WDR75: variants seen among roughly 807,000 people sequenced by gnomAD.
WDR75 encodes WD repeat-containing protein 75.
WDR75 carries 52 observed loss-of-function variants against 106.1 expected under a neutral mutation model. That is an observed-to-expected ratio of 0.49 (90% confidence interval 0.39 to 0.62). The LOEUF (loss-of-function observed/expected upper bound fraction) is 0.62. Ranked by LOEUF, WDR75 falls within the 20% of genes least tolerant of loss-of-function variation. WDR75 has a pLI of 0.00. For synonymous variants in WDR75, 333 were observed against 335.5 expected, an observed-to-expected ratio of 0.99 and a Z score of 0.08; for missense variants, 905 against 970.3, an observed-to-expected ratio of 0.93 and a Z score of 0.89.
At chr2:189,452,554 CAAA>C (rs926726769) in intron 4 of WDR75, among the ~76,000 whole-genome samples, 1 of 87,626 alleles carries the variant, frequency 1.1e-5, no homozygotes, top group Non-Finnish European at 2.5e-5. Flanking sequence ...ACTCTGTCTC[CAAA>C]AAAAAAAAAA....
chr2:189,455,980 T>C (rs957427207), intron 5 of WDR75, among the ~76,000 whole-genome samples: 1 of 152,254 alleles, frequency 6.6e-6, no homozygotes, highest in African/African-American at 2.4e-5. Context: ...CTGTGATTTC[T>C]TCAGCCATTC....
At position 189,457,382 on chromosome 2, in the gene WDR75, G is replaced by A. The variant is rs904311341; in HGVS notation, c.569+1G>A. 8.3e-6 allele frequency: 13 copies of A among 1,572,446 alleles called. No individual in the cohort carries two copies. The highest frequency in any genetic ancestry group is 1.1e-5 in the Non-Finnish European group (13 of 1,146,824). ...TTTTCAAAAAGAAAACAACATCAAG[G>A]TAAGAATTATTTTTTATTAGCTTTA... On this transcript the variant is annotated splice_donor_variant, in intron 6 of 20. Coordinates refer to ENST00000314761, the MANE Select transcript of WDR75 (RefSeq NM_032168.3). LOFTEE classifies it high-confidence loss of function.
intron 2 of WDR75, chr2:189,448,815 A>G (rs1458918307): frequency 2.0e-6 from 1 of 497,918 alleles, no homozygotes; most frequent in Non-Finnish European, 4.1e-6. Flanking sequence ...CCTTACATGC[A>G]TTGCGAATAT....
intron 7 of WDR75, among the ~76,000 whole-genome samples, chr2:189,459,121 C>CAATAG (rs1196351314): frequency 1.3e-5 from 2 of 152,104 alleles, no homozygotes; most frequent in Non-Finnish European, 2.9e-5. Context: ...GAAAGACTGA[C>CAATAG]AATAGTGAAT....
intron 17 of WDR75, 81 bp downstream of exon 17, chr2:189,470,326 G>A: frequency 3.4e-6 from 5 of 1,454,848 alleles, no homozygotes; most frequent in Non-Finnish European, 4.7e-6. Flanking sequence ...GTGTGAGTTT[G>A]TTTCTAGGTG....
intron 16 of WDR75, 127 bp from the exon 17 acceptor site, chr2:189,469,948 TA>T: frequency 2.5e-6 from 2 of 815,126 alleles, no homozygotes; most frequent in Non-Finnish European, 3.9e-6. Context: ...AATCAAAGCC[TA>T]AAACAGTCAT....
At position 189,464,718 on chromosome 2, in the gene WDR75, TGAC is replaced by T. The variant is rs936707086; in HGVS notation, c.1114-360_1114-358del. On this transcript the variant is annotated intron_variant, in intron 11 of 20. Transcript: ENST00000314761. ...TTATTTCTGTTCTGCTTGTTTCTGT[TGAC>T]AGAGAATCTAGCCTTGAGATGATGT... 3.8e-3 allele frequency among the ~76,000 whole-genome samples: 581 copies of T among 152,160 alleles called. 6 individuals are homozygous for T. The highest frequency in any genetic ancestry group is 0.013 in the African/African-American group (542 of 41,532).
intron 2 of WDR75, 139 bp from the exon 3 acceptor site, chr2:189,450,764 A>G (rs1686601471): frequency 1.4e-6 from 2 of 1,451,314 alleles, no homozygotes; most frequent in Non-Finnish European, 1.8e-6. Context: ...GAAGCAATAT[A>G]AATAAATGAC....
At chr2:189,474,128 T>TCAAA in intron 18 of WDR75, 58 bp from the exon 19 acceptor site, 1 of 1,548,096 alleles carries the variant, frequency 6.5e-7, no homozygotes, top group Non-Finnish European at 8.8e-7. Flanking sequence ...TACTGTTAAG[T>TCAAA]CAAACACAGT....
At chr2:189,457,552 A>G (rs1010227235) in intron 6 of WDR75, among the ~76,000 whole-genome samples, 171 bp downstream of exon 6, 4 of 152,208 alleles carry the variant, frequency 2.6e-5, no homozygotes, top group African/African-American at 9.7e-5. Flanking sequence ...GTTTTTAAGC[A>G]TACTATTAGT....
At chr2:189,450,795 A>T in intron 2 of WDR75, 108 bp from the exon 3 acceptor site, 1 of 1,529,234 alleles carries the variant, frequency 6.5e-7, no homozygotes, top group Non-Finnish European at 8.7e-7. Context: ...TAAGGTTAAC[A>T]GTGAATTAAT....
rs118134775 is a variant in WDR75 at position 189,442,755 on chromosome 2, C to G, written c.86+1177C>G. 1.5e-3 allele frequency among the ~76,000 whole-genome samples: 227 copies of G among 152,154 alleles called. 1 individual carries two copies. The East Asian group carries it at 0.019, about 12-fold the overall frequency. On this transcript the variant is annotated intron_variant, in intron 1 of 20. Coordinates refer to ENST00000314761, the MANE Select transcript of WDR75 (RefSeq NM_032168.3). Reference sequence around the variant, plus strand: ...AGCAACTGTGCCCGGCCCACCCCCACAATATTCTGCATATGAGTGTACGAC... The same window carrying G: ...AGCAACTGTGCCCGGCCCACCCCCAGAATATTCTGCATATGAGTGTACGAC...
chr2:189,453,790 T>C (rs1159884626), intron 4 of WDR75, among the ~76,000 whole-genome samples: 1 of 149,320 alleles, frequency 6.7e-6, no homozygotes, highest in African/African-American at 2.4e-5. Context: ...AAACATATAT[T>C]ATACATATAT....
chr2:189,468,286 G>T (rs1687046778), intron 14 of WDR75, among the ~76,000 whole-genome samples, 189 bp from the exon 15 acceptor site: 1 of 152,122 alleles, frequency 6.6e-6, no homozygotes, highest in South Asian at 2.1e-4. Context: ...TTTTCCTAAA[G>T]AAATAGCTAA....
intron 4 of WDR75, among the ~76,000 whole-genome samples, chr2:189,455,117 T>C (rs1453339951): frequency 6.6e-6 from 1 of 152,008 alleles, no homozygotes; most frequent in Non-Finnish European, 1.5e-5. Flanking sequence ...GTCACATGCC[T>C]GTAGTCCCAG....
chr2:189,470,839 A>G lies in WDR75; in HGVS notation c.2010A>G (p.Thr670=). The G allele has an allele frequency of 6.3e-7, 1 of 1,595,728 alleles. No individual in the cohort carries two copies. The change falls in exon 18 of 21, where the codon ACA becomes ACG. Residue 670 remains threonine, a synonymous_variant. Coordinates refer to ENST00000314761, the MANE Select transcript of WDR75 (RefSeq NM_032168.3). ...TKSQSLLTFS[T]KSPEEKLTPT... is the part of the protein sequence containing the mutation. ...TTCAGAGTTTATTGACATTCAGTAC[A>G]AAGTCTCCAGAAGAAAAACTCACAC...
In WDR75 at chr2:189,451,890, A is replaced by C. The variant is rs1273800132; in HGVS notation, c.368A>C (p.Lys123Thr). The change falls in exon 4 of 21, where the codon AAA becomes ACA. Residue 123 changes from lysine to threonine, a missense_variant. Transcript: ENST00000314761. ...DSVFVIVNKE[K>T]PDIFQLVSVK... Reference sequence around the variant, plus strand: ...GTCTTTGTTATAGTGAATAAAGAAAAACCAGGTATGGTATAATTAACTTAC... The same window carrying C: ...GTCTTTGTTATAGTGAATAAAGAAACACCAGGTATGGTATAATTAACTTAC... 6.2e-7 allele frequency: 1 copy of C among 1,611,170 alleles called. No individual in the cohort carries two copies. The highest frequency in any genetic ancestry group is 1.7e-5 in the Admixed American group (1 of 60,010).
chr2:189,473,807 A>C (rs755611508), intron 18 of WDR75, among the ~76,000 whole-genome samples: 1 of 152,190 alleles, frequency 6.6e-6, no homozygotes, highest in African/African-American at 2.4e-5. Flanking sequence ...TCTCAGGTCT[A>C]CTAAGTTCAA....
At chr2:189,460,739 A>G (rs961857439) in intron 8 of WDR75, among the ~76,000 whole-genome samples, 2 of 151,980 alleles carry the variant, frequency 1.3e-5, no homozygotes, top group African/African-American at 4.8e-5. Flanking sequence ...TCCTGACCTC[A>G]GGCGATCCCC....
Sources: allele counts gnomAD v4.1 joint callset (sites outside exome capture counted in the v4.1 genomes callset), GRCh38; gene constraint gnomAD v4.1.1; transcripts MANE v1.5; gene names NCBI Gene and HGNC (gene_info 2026-07-23, HGNC 2026-07-21).